The following RALGAPA2 variants were observed in gnomAD, a reference collection of about 807,000 sequenced individuals.
RALGAPA2 encodes ral GTPase-activating protein subunit alpha-2.
A neutral mutation model predicts 230.4 loss-of-function variants in RALGAPA2; 139 were observed. That is an observed-to-expected ratio of 0.60 (90% CI 0.53 to 0.69). The LOEUF (loss-of-function observed/expected upper bound fraction) is 0.69, where lower values mean the gene tolerates loss of function less well. Among genes scored for constraint, RALGAPA2 ranks in the 30% least tolerant of loss-of-function variants. The pLI is 0.00. For synonymous variants in RALGAPA2, 847 were observed against 837.8 expected (o/e 1.01, Z -0.19); for missense variants, 2,163 against 2,276.0 (o/e 0.95, Z 1.01).
At chr20:20,603,762 T>G (rs2065733313) in intron 15 of RALGAPA2, among the ~76,000 whole-genome samples, 1 of 152,186 alleles carries the variant, frequency 6.6e-6, no homozygotes, top group African/African-American at 2.4e-5. Flanking sequence ...CAACCCAAAT[T>G]GCCAACTCAT....
chr20:20,535,053 T>C (rs952550047), intron 26 of RALGAPA2, among the ~76,000 whole-genome samples: 1 of 152,100 alleles, frequency 6.6e-6, no homozygotes. Flanking sequence ...ATCAAATAGC[T>C]GGTAAGGCAG....
At chr20:20,673,877 T>C (rs1344727018) in intron 3 of RALGAPA2, among the ~76,000 whole-genome samples, 1 of 151,902 alleles carries the variant, frequency 6.6e-6, no homozygotes, top group Admixed American at 6.6e-5. Context: ...TGAACAGAGA[T>C]CCAAAAATGC....
intron 18 of RALGAPA2, among the ~76,000 whole-genome samples, chr20:20,587,742 C>T (rs2065174378): frequency 1.3e-5 from 2 of 151,854 alleles, no homozygotes; most frequent in African/African-American, 4.8e-5. Context: ...TTGCTACAAA[C>T]ATAACCAAAA....
chr20:20,605,163 G>T lies in RALGAPA2; in HGVS notation c.2038+12C>A. ...CTAGACATCTGGTGTTAACCTGGAA[G>T]AGTGGAAATACCTTTGCCTCGTTGC... On this transcript the variant is annotated intron_variant, in intron 15 of 39. Transcript: ENST00000202677. The T allele has an allele frequency of 6.3e-7, 1 of 1,574,980 alleles. No individual in the cohort carries two copies.
chr20:20,619,229 C>CCA, intron 12 of RALGAPA2, 48 bp downstream of exon 12: 3 of 1,514,824 alleles, frequency 2.0e-6, no homozygotes, highest in Non-Finnish European at 2.7e-6. Context: ...CAAAATGGCT[C>CCA]CAGCTGTAGG....
chr20:20,507,319 A>G lies in RALGAPA2; in HGVS notation c.4929-1785T>C, dbSNP rs1416540038. The stretch of plus-strand genomic sequence containing the variant: ...CACGTTATCTTTAATACATCCTTAA[A>G]GATAATCTTTAATGTTTTTAATCTT... On this transcript the variant is annotated intron_variant, in intron 33 of 39. Coordinates refer to ENST00000202677, the MANE Select transcript of RALGAPA2 (RefSeq NM_020343.4). Among the ~76,000 whole-genome samples the G allele has an allele frequency of 2.6e-5, 4 of 152,226 alleles. No homozygotes were observed. The South Asian group carries it at 8.3e-4, about 32-fold the overall frequency.
chr20:20,569,121 C>T (rs2064542309), intron 23 of RALGAPA2, among the ~76,000 whole-genome samples: 1 of 152,120 alleles, frequency 6.6e-6, no homozygotes, highest in African/African-American at 2.4e-5. Flanking sequence ...TCCAGAATTA[C>T]ATAAGTTCTG....
At chr20:20,513,588 C>T (rs2062781390) in intron 31 of RALGAPA2, among the ~76,000 whole-genome samples, 2 of 152,114 alleles carry the variant, frequency 1.3e-5, no homozygotes, top group Admixed American at 6.5e-5. Flanking sequence ...AGCCCCAGTA[C>T]CCGAGACAGA....
At chr20:20,689,381 C>T (rs956934617) in intron 1 of RALGAPA2, among the ~76,000 whole-genome samples, 1 of 152,214 alleles carries the variant, frequency 6.6e-6, no homozygotes, top group South Asian at 2.1e-4. Flanking sequence ...CAGTGGCTCA[C>T]GCCTGTAATC....
chr20:20,493,542 T>C (rs1453256201), intron 36 of RALGAPA2, among the ~76,000 whole-genome samples: 1 of 152,240 alleles, frequency 6.6e-6, no homozygotes, highest in Non-Finnish European at 1.5e-5. Context: ...ATAAAGTGAA[T>C]TAAAATGGCT....
At chr20:20,460,128 G>A (rs969757853) in intron 37 of RALGAPA2, among the ~76,000 whole-genome samples, 1 of 152,202 alleles carries the variant, frequency 6.6e-6, no homozygotes, top group Non-Finnish European at 1.5e-5. Flanking sequence ...GGCAGGGTCT[G>A]GGCCCTGAGA....
intron 31 of RALGAPA2, among the ~76,000 whole-genome samples, chr20:20,515,420 A>T (rs2062839038): frequency 6.6e-6 from 1 of 152,226 alleles, no homozygotes; most frequent in African/African-American, 2.4e-5. Context: ...CAACAGGAAA[A>T]CTGCAAGAAT....
intron 6 of RALGAPA2, 117 bp downstream of exon 6, chr20:20,640,584 G>A (rs1603167342): frequency 2.0e-6 from 2 of 988,876 alleles, no homozygotes; most frequent in Middle Eastern, 3.0e-4. Flanking sequence ...TATGAAAGGG[G>A]AATAATTCCT....
chr20:20,411,438 TAATA>T (rs2122763653), intron 38 of RALGAPA2, among the ~76,000 whole-genome samples: 1 of 152,328 alleles, frequency 6.6e-6, no homozygotes, highest in Admixed American at 6.5e-5. Context: ...CCACTGGCCC[TAATA>T]AATGAAAATT....
chr20:20,568,641 CTT>C lies in RALGAPA2; in HGVS notation c.3156+2815_3156+2816del, dbSNP rs948319442. ...GAAAATACTTTTTAGCATCTTATAA[CTT>C]ATTTAATTCAACACTTTATTGGTCA... On this transcript the variant is annotated intron_variant, in intron 23 of 39. Coordinates refer to ENST00000202677, the MANE Select transcript of RALGAPA2 (RefSeq NM_020343.4). Among the ~76,000 whole-genome samples the C allele has an allele frequency of 5.9e-5, 9 of 152,122 alleles. 1 individual carries two copies. Among genetic ancestry groups the C allele is most frequent in the Admixed American group, 3.9e-4 (6 of 15,270 alleles).
chr20:20,544,420 A>C (rs1308717349), intron 24 of RALGAPA2, among the ~76,000 whole-genome samples: 1 of 151,866 alleles, frequency 6.6e-6, no homozygotes, highest in African/African-American at 2.4e-5. Flanking sequence ...TGTTGGTGGG[A>C]GTGTAAATTA....
chr20:20,542,572 A>C (rs1411805755), intron 24 of RALGAPA2, among the ~76,000 whole-genome samples: 1 of 152,200 alleles, frequency 6.6e-6, no homozygotes, highest in Non-Finnish European at 1.5e-5. Flanking sequence ...ACATAGACCA[A>C]TGGAACAAAA....
At chr20:20,558,499 T>C (rs2064156928) in intron 23 of RALGAPA2, among the ~76,000 whole-genome samples, 1 of 152,128 alleles carries the variant, frequency 6.6e-6, no homozygotes, top group African/African-American at 2.4e-5. Context: ...CCTACTCTCA[T>C]AGAAGTATTA....
intron 3 of RALGAPA2, among the ~76,000 whole-genome samples, chr20:20,670,950 A>G (rs1459045154): frequency 7.7e-6 from 1 of 130,508 alleles, no homozygotes; most frequent in African/African-American, 3.2e-5. Context: ...ACTCCGTCTC[A>G]AAAAAAAAAA....
Sources: gnomAD v4.1 joint callset for allele counts (sites outside exome capture counted in the v4.1 genomes callset) on GRCh38, gnomAD v4.1.1 for gene constraint, MANE v1.5 for transcripts, NCBI Gene and HGNC (gene_info 2026-07-23, HGNC 2026-07-21) for gene names.